The following XRN1 variants were observed in gnomAD, a reference collection of about 807,000 sequenced individuals.
XRN1 encodes the protein strand-exchange protein 1 homolog.
Under a neutral mutation model 222.3 loss-of-function variants are expected in XRN1, and 67 were observed. The observed-to-expected ratio is 0.30, with a 90% CI of 0.25 to 0.37. The LOEUF (loss-of-function observed/expected upper bound fraction) is 0.37, where lower values mean the gene tolerates loss of function less well. XRN1 is among the 10% of genes least tolerant of loss of function. XRN1 has a pLI of 1.00. For missense variants in XRN1, 1,707 were observed against 2,000.2 expected, an observed-to-expected ratio of 0.85 and a Z score of 2.80; for synonymous variants, 643 against 652.4, an observed-to-expected ratio of 0.99 and a Z score of 0.22.
intron 22 of XRN1, 90 bp from the exon 23 acceptor site, chr3:142,380,270 T>C (rs893311713): frequency 3.7e-6 from 4 of 1,076,128 alleles, no homozygotes; most frequent in Non-Finnish European, 5.4e-6. Context: ...AAATACAGTA[T>C]GACAAGTTGG....
intron 16 of XRN1, 82 bp from the exon 17 acceptor site, chr3:142,404,071 C>T (rs916422730): frequency 1.6e-5 from 19 of 1,188,732 alleles, no homozygotes; most frequent in East Asian, 2.4e-5. Flanking sequence ...TTGTATATTT[C>T]GTAAGAGTCA....
intron 23 of XRN1, among the ~76,000 whole-genome samples, chr3:142,379,280 AAAAACC>A (rs1368159341): frequency 1.3e-5 from 2 of 152,164 alleles, no homozygotes; most frequent in African/African-American, 2.4e-5. Flanking sequence ...CACAAAAAGA[AAAAACC>A]AAAACCAAAA....
In XRN1 at chr3:142,425,415, A is replaced by G. The variant is rs766557927; in HGVS notation, c.516+14T>C. Reference sequence around the variant, plus strand: ...TACTTTTTTTAAACTCTTTAAATAAAAAAAGATAATAACCTCATGGCCTGA... The same window carrying G: ...TACTTTTTTTAAACTCTTTAAATAAGAAAAGATAATAACCTCATGGCCTGA... On this transcript the variant is annotated intron_variant, in intron 4 of 40. Coordinates refer to ENST00000392981, the MANE Select transcript of XRN1 (RefSeq NM_001282857.2). 5 of 1,592,700 alleles carry G rather than the reference A, an allele frequency of 3.1e-6. No individual in the cohort carries two copies. Among genetic ancestry groups the G allele is most frequent in the Non-Finnish European group, 4.3e-6 (5 of 1,170,142 alleles).
intron 2 of XRN1, among the ~76,000 whole-genome samples, chr3:142,431,528 A>C (rs1391187212): frequency 1.3e-5 from 2 of 151,946 alleles, no homozygotes; most frequent in African/African-American, 4.8e-5. Flanking sequence ...TAAAAATATT[A>C]AAAATTGGCT....
chr3:142,345,433 C>T (rs2066116770), intron 33 of XRN1, among the ~76,000 whole-genome samples: 1 of 152,126 alleles, frequency 6.6e-6, no homozygotes. Context: ...AAAGCTAAAA[C>T]TATACAATTC....
Position 142,323,735 on chromosome 3 carries a change from T to C in XRN1, c.4405-4832A>G, listed in dbSNP as rs372641946. Among the ~76,000 whole-genome samples, 5 of 152,218 alleles carry C rather than the reference T, an allele frequency of 3.3e-5. No individual in the cohort carries two copies. The East Asian group carries it at 5.8e-4, about 18-fold the overall frequency. On this transcript the variant is annotated intron_variant, in intron 37 of 40. Coordinates refer to ENST00000392981, the MANE Select transcript of XRN1 (RefSeq NM_001282857.2). ...GCATGTGCCTGTAATCCTAGCACTT[T>C]GGGAAGCCAAGGTGGGAGGACTGCT...
At chr3:142,426,932 A>T (rs2069278955) in intron 2 of XRN1, 91 bp from the exon 3 acceptor site, 4 of 896,610 alleles carry the variant, frequency 4.5e-6, no homozygotes, top group Non-Finnish European at 7.0e-6. Flanking sequence ...TTTATAACTA[A>T]AATAGTAATT....
At chr3:142,365,464 A>G (rs1559820147) in intron 27 of XRN1, 98 bp from the exon 28 acceptor site, 1 of 844,862 alleles carries the variant, frequency 1.2e-6, no homozygotes, top group Non-Finnish European at 1.7e-6. Context: ...TAAAAAGCCA[A>G]ATGAAGAGAT....
chr3:142,323,389 C>G (rs957982368), intron 37 of XRN1, among the ~76,000 whole-genome samples: 1 of 151,698 alleles, frequency 6.6e-6, no homozygotes, highest in African/African-American at 2.4e-5. Flanking sequence ...ACCACACTGG[C>G]CAGGCTGGTC....
At position 142,437,391 on chromosome 3, in the gene XRN1, C is replaced by A. The variant is rs566776443; in HGVS notation, c.76-4498G>T. On this transcript the variant is annotated intron_variant, in intron 1 of 40. Transcript: ENST00000392981. The stretch of plus-strand genomic sequence containing the variant: ...TGGTCCATGCCCCTCAGTTTCCCAA[C>A]AGAACTGCTTGCTTCCAGTTTTCTC... Among the ~76,000 whole-genome samples the A allele has an allele frequency of 1.2e-3, 182 of 152,324 alleles. 1 individual carries two copies. The highest frequency in any genetic ancestry group is 4.1e-3 in the African/African-American group (171 of 41,562).
chr3:142,346,195 A>C (rs1007803983), intron 33 of XRN1, among the ~76,000 whole-genome samples: 4 of 152,236 alleles, frequency 2.6e-5, no homozygotes, highest in Non-Finnish European at 5.9e-5. Context: ...TTATTCAGCC[A>C]TAAGAAAGGA....
intron 1 of XRN1, chr3:142,435,388 ACT>A (rs1288584629): frequency 1.3e-5 from 2 of 150,004 alleles, no homozygotes; most frequent in African/African-American, 4.9e-5. Flanking sequence ...ACTGAGCAAG[ACT>A]CTGTATCAAA....
At chr3:142,330,364 A>C (rs1027780161) in intron 36 of XRN1, among the ~76,000 whole-genome samples, 1 of 152,106 alleles carries the variant, frequency 6.6e-6, no homozygotes, top group Non-Finnish European at 1.5e-5. Context: ...TTGTCTTCTA[A>C]GTGTTTTTAT....
chr3:142,395,431 T>G (rs769625519), intron 20 of XRN1, among the ~76,000 whole-genome samples: 2 of 152,208 alleles, frequency 1.3e-5, no homozygotes, highest in Non-Finnish European at 1.5e-5. Context: ...CGAGTATACA[T>G]TGTTATCATC....
At chr3:142,406,942 A>G (rs769949478) in intron 15 of XRN1, among the ~76,000 whole-genome samples, 2 of 152,232 alleles carry the variant, frequency 1.3e-5, no homozygotes, top group Non-Finnish European at 2.9e-5. Flanking sequence ...TGTGAAACCA[A>G]TCTGAAAAGA....
chr3:142,370,499 C>T lies in XRN1; in HGVS notation c.3190G>A (p.Val1064Ile). The T allele has an allele frequency of 6.2e-7, 1 of 1,604,612 alleles. No individual in the cohort carries two copies. Among genetic ancestry groups the T allele is most frequent in the Non-Finnish European group, 8.5e-7 (1 of 1,176,990 alleles). The change falls in exon 27 of 41, where the codon GTC becomes ATC. Residue 1064 changes from valine to isoleucine, a missense_variant. This residue lies in a region of XRN1 where 1,234 missense variants were observed against 1,518.2 expected (regional missense o/e 0.81). Coordinates refer to ENST00000392981, the MANE Select transcript of XRN1 (RefSeq NM_001282857.2). ...AAIVEKIEEE[V>I]EKCKQRKNNK... ...AAAGTTAGTACCTTGCACTTTTCGA[C>T]TTCTTCCTCAATTTTCTCAACAATA...
At chr3:142,387,598 A>G (rs936848885) in intron 20 of XRN1, among the ~76,000 whole-genome samples, 10 of 152,340 alleles carry the variant, frequency 6.6e-5, no homozygotes, top group Middle Eastern at 3.4e-3. Context: ...TACCAAAGTT[A>G]TGTTTACACT....
chr3:142,360,143 C>A lies in XRN1; in HGVS notation c.3395-212G>T, dbSNP rs374081558. 4.6e-5 allele frequency among the ~76,000 whole-genome samples: 7 copies of A among 152,224 alleles called. No individual in the cohort carries two copies. In the East Asian group the frequency reaches 7.7e-4, roughly 17 times the overall value. Reference sequence around the variant, plus strand: ...GTGCCTTAGAGGATCATTATTGTCCCAATTCCCAACTAGGTAACATTATCT... The same window carrying A: ...GTGCCTTAGAGGATCATTATTGTCCAAATTCCCAACTAGGTAACATTATCT... On this transcript the variant is annotated intron_variant, in intron 29 of 40. Transcript: ENST00000392981.
At chr3:142,359,338 A>C (rs540985977) in intron 30 of XRN1, among the ~76,000 whole-genome samples, 2 of 152,282 alleles carry the variant, frequency 1.3e-5, no homozygotes, top group South Asian at 4.2e-4. Flanking sequence ...AAATCATGCC[A>C]ATCTGTCGTG....
Sources: gnomAD v4.1 joint callset for allele counts (sites outside exome capture counted in the v4.1 genomes callset) on GRCh38, gnomAD v4.1.1 for gene constraint, gnomAD v4.1.1 regional missense constraint, MANE v1.5 for transcripts, NCBI Gene and HGNC (gene_info 2026-07-23, HGNC 2026-07-21) for gene names.